Variants in KPNA4 observed in about 807,000 individuals in gnomAD.
KPNA4 encodes karyopherin subunit alpha 4, also known as importin subunit alpha-3.
KPNA4 carries 13 observed loss-of-function variants against 71.3 expected under a neutral mutation model. The observed-to-expected ratio is 0.18, with a 90% CI of 0.12 to 0.29. The LOEUF (loss-of-function observed/expected upper bound fraction) is 0.29, where lower values mean the gene tolerates loss of function less well. Among genes scored for constraint, KPNA4 ranks in the 10% least tolerant of loss-of-function variants. The probability of loss-of-function intolerance (pLI) is 1.00; values close to 1 mark genes in which losing one functional copy is unlikely to be tolerated. For synonymous variants in KPNA4, 189 were observed against 195.2 expected (o/e 0.97, Z 0.26); for missense variants, 334 against 603.2 (o/e 0.55, Z 4.67).
chr3:160,519,855 T>C (rs1721310507), intron 11 of KPNA4, among the ~76,000 whole-genome samples: 1 of 148,958 alleles, frequency 6.7e-6, no homozygotes, highest in Non-Finnish European at 1.5e-5. Context: ...CTGCAAGCTG[T>C]GTAAAATGAT....
chr3:160,531,044 T>A (rs1228965887), intron 6 of KPNA4, 104 bp from the exon 7 acceptor site: 2 of 769,642 alleles, frequency 2.6e-6, no homozygotes, highest in Non-Finnish European at 4.2e-6. Context: ...AATATTTTGT[T>A]TCAAAAGTTA....
At chr3:160,537,014 C>T (rs1161923692) in intron 1 of KPNA4, among the ~76,000 whole-genome samples, 174 bp from the exon 2 acceptor site, 1 of 151,954 alleles carries the variant, frequency 6.6e-6, no homozygotes, top group African/African-American at 2.4e-5. Context: ...TTTCAATCTT[C>T]ATTTCCCATT....
intron 5 of KPNA4, 109 bp from the exon 6 acceptor site, chr3:160,531,666 G>T (rs1241989662): frequency 2.0e-6 from 1 of 502,780 alleles, no homozygotes; most frequent in Non-Finnish European, 3.4e-6. Flanking sequence ...TTTGGTACAA[G>T]TGCCTTCTCT....
intron 8 of KPNA4, among the ~76,000 whole-genome samples, chr3:160,527,290 C>T (rs1721477919): frequency 6.6e-6 from 1 of 151,998 alleles, no homozygotes; most frequent in Admixed American, 6.6e-5. Flanking sequence ...TGAGTTTAGG[C>T]TCTAGTTAAA....
intron 7 of KPNA4, 152 bp downstream of exon 7, chr3:160,530,703 T>G (rs2108551991): frequency 3.6e-6 from 2 of 556,878 alleles, no homozygotes; most frequent in Non-Finnish European, 6.4e-6. Context: ...ATAAGAAGAT[T>G]AAAGTAACAT....
At chr3:160,511,829 T>C (rs1026602331) in intron 13 of KPNA4, among the ~76,000 whole-genome samples, 2 of 151,656 alleles carry the variant, frequency 1.3e-5, no homozygotes, top group African/African-American at 2.4e-5. Context: ...ATAATGTATA[T>C]TGACATGTAT....
At chr3:160,517,957 A>G (rs2108547294) in intron 11 of KPNA4, among the ~76,000 whole-genome samples, 1 of 152,274 alleles carries the variant, frequency 6.6e-6, no homozygotes, top group Middle Eastern at 3.4e-3. Flanking sequence ...AGCACACACA[A>G]GTTTGTAAGT....
At chr3:160,528,093 A>T (rs1264498696) in intron 7 of KPNA4, 54 bp from the exon 8 acceptor site, 1 of 1,367,742 alleles carries the variant, frequency 7.3e-7, no homozygotes, top group Non-Finnish European at 1.0e-6. Flanking sequence ...TAAACCAAAA[A>T]TCAATCTTTA....
chr3:160,551,607 T>C (rs767472264), intron 1 of KPNA4, among the ~76,000 whole-genome samples: 1 of 151,910 alleles, frequency 6.6e-6, no homozygotes, highest in Non-Finnish European at 1.5e-5. Flanking sequence ...GAGATGAAGT[T>C]AGTTGGATGG....
intron 8 of KPNA4, among the ~76,000 whole-genome samples, chr3:160,527,469 T>G (rs1721480285): frequency 6.6e-6 from 1 of 152,210 alleles, no homozygotes; most frequent in African/African-American, 2.4e-5. Context: ...TTACTATATT[T>G]TATACATTAC....
intron 5 of KPNA4, among the ~76,000 whole-genome samples, chr3:160,533,679 C>T (rs1400504230): frequency 2.6e-5 from 4 of 151,878 alleles, no homozygotes; most frequent in Non-Finnish European, 4.4e-5. Flanking sequence ...TTAAGGAGCC[C>T]GCAATTTTAC....
chr3:160,565,165 G>A lies in KPNA4; in HGVS notation c.69+49C>T, dbSNP rs376438694. 1.6e-5 allele frequency: 23 copies of A among 1,482,408 alleles called. No homozygotes were observed. In the African/African-American group the frequency reaches 2.4e-4, roughly 15 times the overall value. The allele number at this position is 1,482,408 out of a possible 1,614,324, so 91.8% of individuals were successfully genotyped here. A position where few individuals can be genotyped will look rare whatever the true frequency, so the allele number is the denominator to read the frequency against. On this transcript the variant is annotated intron_variant, in intron 1 of 16. Transcript: ENST00000334256. ...CACACTCGGGGTCCCGGCGGAGACC[G>A]GCCCCAGGCCCACAGCCCCCACCCC...
At chr3:160,519,798 T>C (rs1397917304) in intron 11 of KPNA4, among the ~76,000 whole-genome samples, 1 of 71,344 alleles carries the variant, frequency 1.4e-5, no homozygotes, top group African/African-American at 6.8e-5. Context: ...CGAGACTCCG[T>C]CTCAAAAAAA....
Position 160,508,198 on chromosome 3 carries a change from A to T in KPNA4, c.1281T>A (p.Val427=). 2 of 1,612,782 alleles carry T rather than the reference A, an allele frequency of 1.2e-6. No homozygotes were observed. The highest frequency in any genetic ancestry group is 1.3e-5 in the African/African-American group (1 of 75,006). Residue 427 remains valine (V), a synonymous_variant, in exon 15 of 17, where the codon GTT becomes GTA. Coordinates refer to ENST00000334256, the MANE Select transcript of KPNA4 (RefSeq NM_002268.5). ...TTAGTCCATCGAGTACTACTTGCAC[A>T]ACTTGTGCATCTTTTACAGTCAGCA... ...CNLLTVKDAQ[V]VQVVLDGLSN...
At chr3:160,535,604 C>A (rs374588259) in intron 4 of KPNA4, 39 bp from the exon 5 acceptor site, 49 of 1,583,812 alleles carry the variant, frequency 3.1e-5, no homozygotes, top group Non-Finnish European at 4.1e-5. Context: ...AAATATATCA[C>A]GATTAGCTGT....
At chr3:160,508,761 C>A (rs151230541) in intron 14 of KPNA4, among the ~76,000 whole-genome samples, 50 of 152,122 alleles carry the variant, frequency 3.3e-4, no homozygotes, top group African/African-American at 1.2e-3. Context: ...CCCAAGAGAT[C>A]CTCCTGCCTT....
intron 10 of KPNA4, among the ~76,000 whole-genome samples, chr3:160,525,553 C>T (rs1159776603): frequency 6.6e-6 from 1 of 151,948 alleles, no homozygotes; most frequent in Non-Finnish European, 1.5e-5. Context: ...ACAATATTGT[C>T]CACACCAAAA....
rs71628425 is a variant in KPNA4, at chr3:160,535,900, T to TAAAA, written c.115-7_115-4dup. ...AAGAGATGTTCATCTCTTTTATTCT[T>TAAAA]AAAAAAAAAAAAAAAAAAAAAAAAA... On this transcript the variant is annotated splice_polypyrimidine_tract_variant and splice_region_variant and intron_variant, in intron 2 of 16. Coordinates refer to ENST00000334256, the MANE Select transcript of KPNA4 (RefSeq NM_002268.5). 2,081 of 322,086 alleles carry TAAAA rather than the reference T, an allele frequency of 6.5e-3. No homozygotes were observed. Among genetic ancestry groups the TAAAA allele is most frequent in the Middle Eastern group, 0.011 (9 of 808 alleles). 20.0% of individuals were successfully genotyped at this position (322,086 alleles called of 1,614,324 possible).
At chr3:160,554,243 T>C (rs1323595098) in intron 1 of KPNA4, among the ~76,000 whole-genome samples, 4 of 152,218 alleles carry the variant, frequency 2.6e-5, no homozygotes, top group South Asian at 2.1e-4. Flanking sequence ...AGTTCACCCA[T>C]TTAAAGTATA....
Sources: gnomAD v4.1 joint callset for allele counts (sites outside exome capture counted in the v4.1 genomes callset) on GRCh38, gnomAD v4.1.1 for gene constraint, MANE v1.5 for transcripts, NCBI Gene and HGNC (gene_info 2026-07-23, HGNC 2026-07-21) for gene names.